Variants in NT5E observed in about 807,000 individuals in gnomAD.
NT5E encodes the protein 5'-nucleotidase ecto.
In NT5E, 53 loss-of-function variants were observed where a neutral mutation model predicts 55.1. The observed-to-expected ratio is 0.96, with a 90% CI of 0.77 to 1.21. The LOEUF is 1.21. Ranked by LOEUF, NT5E falls within the 50% of genes most tolerant of loss-of-function variation. The pLI, the probability that NT5E is intolerant of heterozygous loss-of-function variation, is 0.00. For synonymous variants in NT5E, 270 were observed against 278.4 expected (o/e 0.97, Z 0.30); for missense variants, 683 against 724.3 (o/e 0.94, Z 0.65).
intron 2 of NT5E, 45 bp downstream of exon 2, chr6:85,467,327 C>G (rs1769217407): frequency 6.8e-7 from 1 of 1,476,516 alleles, no homozygotes; most frequent in Admixed American, 1.7e-5. Context: ...AATAGATGCC[C>G]TAAATCACAG....
intron 3 of NT5E, among the ~76,000 whole-genome samples, chr6:85,477,412 C>T (rs1008731555): frequency 3.6e-4 from 55 of 151,976 alleles, no homozygotes; most frequent in African/African-American, 1.2e-3. Context: ...AAATTCAAAA[C>T]TTTTCATGTA....
chr6:85,469,612 A>T (rs1429874612), intron 2 of NT5E, among the ~76,000 whole-genome samples: 1 of 152,236 alleles, frequency 6.6e-6, no homozygotes, highest in East Asian at 1.9e-4. Context: ...AAGGCAACAT[A>T]GCACTGAGGG....
intron 4 of NT5E, among the ~76,000 whole-genome samples, chr6:85,487,028 T>A (rs1050054450): frequency 9.9e-5 from 15 of 152,174 alleles, no homozygotes; most frequent in African/African-American, 3.6e-4. Context: ...TAACTGCCCC[T>A]GGGCCTTTCA....
intron 4 of NT5E, 75 bp from the exon 5 acceptor site, chr6:85,487,260 G>T: frequency 7.8e-7 from 1 of 1,285,782 alleles, no homozygotes. Flanking sequence ...TAAGATAGAT[G>T]ATGTTTCATT....
intron 2 of NT5E, among the ~76,000 whole-genome samples, chr6:85,470,117 T>C (rs9359656): frequency 0.14 from 21,542 of 152,186 alleles, 1,833 homozygotes; most frequent in African/African-American, 0.24. Flanking sequence ...GAGGACTCCC[T>C]AGTCACAGAG....
At chr6:85,493,143 G>C (rs918451135) in intron 8 of NT5E, among the ~76,000 whole-genome samples, 1 of 152,130 alleles carries the variant, frequency 6.6e-6, no homozygotes, top group Non-Finnish European at 1.5e-5. Context: ...CTCAACACTG[G>C]TTATACATTA....
chr6:85,451,890 A>G (rs1406426781), intron 1 of NT5E, among the ~76,000 whole-genome samples: 6 of 152,218 alleles, frequency 3.9e-5, no homozygotes, highest in Admixed American at 3.9e-4. Flanking sequence ...CCCCACAACA[A>G]GAAAGCTCAT....
intron 1 of NT5E, among the ~76,000 whole-genome samples, chr6:85,460,221 C>G (rs1354997621): frequency 6.6e-6 from 1 of 152,142 alleles, no homozygotes; most frequent in Non-Finnish European, 1.5e-5. Context: ...TAGCCCTTAC[C>G]CTGTCCATGG....
At chr6:85,474,010 C>T (rs2127721863) in intron 3 of NT5E, among the ~76,000 whole-genome samples, 1 of 152,340 alleles carries the variant, frequency 6.6e-6, no homozygotes, top group African/African-American at 2.4e-5. Context: ...CCATGCCCAG[C>T]TTCCCATTAT....
intron 5 of NT5E, 103 bp downstream of exon 5, chr6:85,487,592 G>A (rs998762989): frequency 2.0e-6 from 3 of 1,483,438 alleles, no homozygotes; most frequent in East Asian, 4.5e-5. Context: ...TACAGAATGA[G>A]GGATTTCAAA....
At position 85,494,586 on chromosome 6, in the gene NT5E, C is replaced by T. The variant is rs1769853344; in HGVS notation, c.*582C>T. The T allele has an allele frequency of 6.5e-6, 1 of 154,060 alleles. No individual in the cohort carries two copies. The highest frequency in any genetic ancestry group is 6.4e-5 in the Admixed American group (1 of 15,506). The allele number at this position is 154,060 out of a possible 1,614,324, so 9.5% of individuals were successfully genotyped here. ...GTTCAGAATACTTAATATCTCCTCTCTTCATAATTATCAATAGCCCCAAGC... is the reference window on the plus strand; with the variant it reads ...GTTCAGAATACTTAATATCTCCTCTTTTCATAATTATCAATAGCCCCAAGC... On this transcript the variant is annotated 3_prime_UTR_variant, in exon 9 of 9. Transcript: ENST00000257770.
In NT5E at chr6:85,490,247, C is replaced by G. The variant is rs558987245; in HGVS notation, c.1211-261C>G. ...GAGATCCAGCCCCAAGCTAGCAGAT[C>G]TAAGACTGAGCATGGTGAACTTCTG... On this transcript the variant is annotated intron_variant, in intron 6 of 8. Coordinates refer to ENST00000257770, the MANE Select transcript of NT5E (RefSeq NM_002526.4). Among the ~76,000 whole-genome samples the G allele has an allele frequency of 2.8e-3, 421 of 152,362 alleles. 2 individuals are homozygous for G. The highest frequency in any genetic ancestry group is 0.01 in the Middle Eastern group (3 of 294).
At chr6:85,473,240 G>T (rs1422404020) in intron 3 of NT5E, among the ~76,000 whole-genome samples, 1 of 152,160 alleles carries the variant, frequency 6.6e-6, no homozygotes, top group Non-Finnish European at 1.5e-5. Context: ...TAATGGTGGG[G>T]TCCTTTCAAT....
chr6:85,490,991 T>TC (rs2127725630), intron 7 of NT5E: 4 of 476,658 alleles, frequency 8.4e-6, no homozygotes, highest in South Asian at 6.6e-5. Context: ...TTTTTTTAAA[T>TC]CCTCTCCTCT....
chr6:85,486,411 C>T (rs564468638), intron 4 of NT5E, among the ~76,000 whole-genome samples: 3 of 152,100 alleles, frequency 2.0e-5, no homozygotes, highest in Non-Finnish European at 4.4e-5. Context: ...GAGGGGAGTA[C>T]GCCTTAACCC....
chr6:85,461,083 C>G (rs1769090306), intron 1 of NT5E, among the ~76,000 whole-genome samples: 1 of 152,192 alleles, frequency 6.6e-6, no homozygotes, highest in Non-Finnish European at 1.5e-5. Flanking sequence ...TAGTTGATCC[C>G]TATAACCACT....
chr6:85,464,271 A>G (rs535288161), intron 1 of NT5E, among the ~76,000 whole-genome samples: 1 of 152,276 alleles, frequency 6.6e-6, no homozygotes, highest in East Asian at 1.9e-4. Flanking sequence ...TGAGTGCAGT[A>G]AGAGTACCAC....
chr6:85,458,118 G>C (rs569519119), intron 1 of NT5E, among the ~76,000 whole-genome samples: 1 of 152,342 alleles, frequency 6.6e-6, no homozygotes, highest in African/African-American at 2.4e-5. Context: ...AAAGGAAACT[G>C]TCACAATTAC....
chr6:85,451,849 A>G (rs1187029285), intron 1 of NT5E, among the ~76,000 whole-genome samples: 1 of 152,190 alleles, frequency 6.6e-6, no homozygotes, highest in Admixed American at 6.5e-5. Context: ...AGAGGGCACC[A>G]TTGTTTGGTT....
Sources: allele counts gnomAD v4.1 joint callset (sites outside exome capture counted in the v4.1 genomes callset), GRCh38; gene constraint gnomAD v4.1.1; transcripts MANE v1.5; gene names NCBI Gene and HGNC (gene_info 2026-07-23, HGNC 2026-07-21).